The following MGST1 variants were observed in gnomAD, a reference collection of about 807,000 sequenced individuals.
MGST1 encodes glutathione S-transferase 12.
MGST1 carries 5 observed loss-of-function variants against 8.9 expected under a neutral mutation model. The ratio of observed to expected loss-of-function variants is 0.56; its 90% confidence interval spans 0.29 to 1.19. The LOEUF (loss-of-function observed/expected upper bound fraction) is 1.19. MGST1 is among the 50% of genes most tolerant of loss of function. MGST1 has a pLI of 0.08. For missense variants in MGST1, 182 were observed against 187.4 expected (o/e 0.97, Z 0.17); for synonymous variants, 54 against 67.8 (o/e 0.80, Z 1.00).
chr12:16,444,020 T>C (rs527665913), intron 4 of MGST1, among the ~76,000 whole-genome samples: 1 of 151,982 alleles, frequency 6.6e-6, no homozygotes, highest in South Asian at 2.1e-4. Context: ...TGTCGCTGGC[T>C]GATCGATCAG....
intron 4 of MGST1, among the ~76,000 whole-genome samples, chr12:16,504,229 C>T (rs997812333): frequency 2.1e-4 from 32 of 152,150 alleles, no homozygotes; most frequent in South Asian, 2.1e-4. Flanking sequence ...GTGTGATATT[C>T]AAAGAAACAT....
At chr12:16,566,038 A>T (rs11056998) in intron 4 of MGST1, among the ~76,000 whole-genome samples, 17 of 90,520 alleles carry the variant, frequency 1.9e-4, no homozygotes, top group African/African-American at 6.6e-4. Context: ...ATATATATAT[A>T]TAAAATGGAG....
At chr12:16,438,397 G>A (rs533126314) in exon 2 of MGST1, 1 of 151,994 alleles carries the variant, frequency 6.6e-6, no homozygotes, top group East Asian at 2.0e-4. Flanking sequence ...TAGACTCTAT[G>A]GTGATGAAGC....
intron 4 of MGST1, among the ~76,000 whole-genome samples, chr12:16,494,690 T>C (rs182006860): frequency 4.5e-4 from 69 of 152,230 alleles, no homozygotes; most frequent in African/African-American, 1.6e-3. Flanking sequence ...TGGAAGTATG[T>C]GTTAGTATTT....
rs143168213 is a variant in MGST1 at position 16,373,512 on chromosome 12, C to T, written c.222-2610C>T. ...TTGTATCAAGATATTATATGTATCC[C>T]GTGTGATAACTGTTATGTATCCGTA... On this transcript the variant is annotated intron_variant, in intron 3 of 3. Transcript: ENST00000535309. Among the ~76,000 whole-genome samples the T allele has an allele frequency of 4.1e-3, 612 of 150,854 alleles. 2 individuals are homozygous for T. Among genetic ancestry groups the T allele is most frequent in the African/African-American group, 0.014 (578 of 41,172 alleles).
Position 16,546,719 on chromosome 12 carries a change from T to C in MGST1, n.483-42809T>C, listed in dbSNP as rs796089563. Among the ~76,000 whole-genome samples, 25 of 152,250 alleles carry C rather than the reference T, an allele frequency of 1.6e-4. No individual in the cohort carries two copies. The highest frequency in any genetic ancestry group is 5.8e-4 in the African/African-American group (24 of 41,560). ...CTGTTGTAATTATTCTATAAGCTTA[T>C]TGGAATGGCATTTACCAAGATAGTT... On this transcript the variant is annotated intron_variant and non_coding_transcript_variant, in intron 4 of 4. Coordinates refer to the MGST1 transcript ENST00000538857. The surrounding 1 kb of genome is among the most constrained non-coding windows in gnomAD (Gnocchi z 4.7).
At chr12:16,521,837 GCT>G (rs1460487465) in intron 4 of MGST1, among the ~76,000 whole-genome samples, 1 of 152,074 alleles carries the variant, frequency 6.6e-6, no homozygotes, top group African/African-American at 2.4e-5. Context: ...GGCTGTAAAT[GCT>G]CCTCTGCTTT....
chr12:16,515,336 C>T (rs1430734249), intron 4 of MGST1, among the ~76,000 whole-genome samples: 1 of 152,150 alleles, frequency 6.6e-6, no homozygotes, highest in East Asian at 1.9e-4. Context: ...TGACCATCAA[C>T]CCCATCCTAT....
At chr12:16,496,681 T>C (rs543148222) in intron 4 of MGST1, among the ~76,000 whole-genome samples, 14 of 152,204 alleles carry the variant, frequency 9.2e-5, no homozygotes, top group African/African-American at 2.2e-4. Context: ...TTTATGTCTA[T>C]GAATACCTAA....
chr12:16,534,647 T>C (rs1158543004), intron 4 of MGST1, among the ~76,000 whole-genome samples: 2 of 152,190 alleles, frequency 1.3e-5, no homozygotes, highest in East Asian at 3.9e-4. Context: ...GGAAATAGAC[T>C]TGCAGGACAA....
rs900195344 is a variant in MGST1 at position 16,401,906 on chromosome 12, G to A, written n.778+18302G>A. The A allele has an allele frequency of 4.4e-6, 7 of 1,604,724 alleles. No individual in the cohort carries two copies. The highest frequency in any genetic ancestry group is 1.3e-5 in the African/African-American group (1 of 74,728). ...TGAGCTCCCCATCCTCCCTTACAGC[G>A]ACTGTATATGCCACAACTGCACTGA... is the stretch of plus-strand genomic sequence containing the variant. On this transcript the variant is annotated intron_variant and non_coding_transcript_variant, in intron 1 of 1. Transcript: ENST00000359720. This position sits in a 1 kb window ranked among gnomAD's most constrained non-coding sequence, Gnocchi z 4.3.
At chr12:16,447,952 A>G (rs1941094390) in intron 4 of MGST1, among the ~76,000 whole-genome samples, 1 of 151,936 alleles carries the variant, frequency 6.6e-6, no homozygotes, top group Admixed American at 6.6e-5. Context: ...AATTCATTGC[A>G]TTTGAGATGC....
In MGST1 at chr12:16,587,783, A is replaced by G. The variant is rs564196517; in HGVS notation, n.483-1745A>G. 6.6e-6 allele frequency among the ~76,000 whole-genome samples: 1 copy of G among 152,114 alleles called. No individual in the cohort carries two copies. The highest frequency in any genetic ancestry group is 1.9e-4 in the East Asian group (1 of 5,156). On this transcript the variant is annotated intron_variant and non_coding_transcript_variant, in intron 4 of 4. Transcript: ENST00000538857. The surrounding 1 kb of genome is among the most constrained non-coding windows in gnomAD (Gnocchi z 4.3). ...GGTTCTCTTAGCATTTATCTGTCTA[A>G]AAATCTCACTGTGTCCTGAATGGGG...
intron 1 of MGST1, among the ~76,000 whole-genome samples, chr12:16,385,509 CAAGT>C (rs1324271305): frequency 2.0e-5 from 3 of 152,134 alleles, no homozygotes; most frequent in Admixed American, 2.0e-4. Flanking sequence ...ATATTTTTCT[CAAGT>C]AAAATCCACT....
chr12:16,457,046 T>C (rs1367597846), intron 4 of MGST1, among the ~76,000 whole-genome samples: 1 of 151,956 alleles, frequency 6.6e-6, no homozygotes, highest in Non-Finnish European at 1.5e-5. Flanking sequence ...TTTAAGTTCC[T>C]CTACTGTTCA....
intron 4 of MGST1, among the ~76,000 whole-genome samples, chr12:16,473,793 A>T (rs887091279): frequency 6.6e-6 from 1 of 152,056 alleles, no homozygotes; most frequent in Admixed American, 6.6e-5. Context: ...AGGCGGGAGG[A>T]TGACTTGGGC....
At chr12:16,484,721 A>G (rs1281999092) in intron 4 of MGST1, among the ~76,000 whole-genome samples, 1 of 152,166 alleles carries the variant, frequency 6.6e-6, no homozygotes, top group Non-Finnish European at 1.5e-5. Flanking sequence ...TCATGAGAAC[A>G]GCAAGGGGGA....
chr12:16,424,908 C>T (rs955531810), intron 1 of MGST1, among the ~76,000 whole-genome samples: 1 of 152,154 alleles, frequency 6.6e-6, no homozygotes, highest in Non-Finnish European at 1.5e-5. Context: ...AAAAGTCAGG[C>T]TTTTTCTTCA....
chr12:16,489,640 T>C (rs1219474701), intron 4 of MGST1, among the ~76,000 whole-genome samples: 1 of 152,228 alleles, frequency 6.6e-6, no homozygotes, highest in Admixed American at 6.5e-5. Context: ...AATGTTGTTA[T>C]AGATGAGGAG....
Sources: allele counts gnomAD v4.1 joint callset (sites outside exome capture counted in the v4.1 genomes callset), GRCh38; gene constraint gnomAD v4.1.1; non-coding constraint Gnocchi (gnomAD v3.1); transcripts MANE v1.5; gene names NCBI Gene and HGNC (gene_info 2026-07-23, HGNC 2026-07-21).